The following SYT10 variants were observed in gnomAD, a reference collection of about 807,000 sequenced individuals.
The protein encoded by SYT10 is synaptotagmin-10.
In SYT10, 31 loss-of-function variants were observed where a neutral mutation model predicts 51.1. The observed-to-expected ratio is 0.61, with a 90% CI of 0.46 to 0.82. The LOEUF (loss-of-function observed/expected upper bound fraction) is 0.82, where lower values mean the gene tolerates loss of function less well. Ranked by LOEUF, SYT10 falls within the 40% of genes least tolerant of loss-of-function variation. SYT10 has a pLI of 0.00. For missense variants in SYT10, 603 were observed against 634.0 expected (o/e 0.95, Z 0.53); for synonymous variants, 233 against 225.9 (o/e 1.03, Z -0.28).
intron 3 of SYT10, among the ~76,000 whole-genome samples, chr12:33,399,975 G>T (rs1287996524): frequency 6.6e-6 from 1 of 152,172 alleles, no homozygotes; most frequent in East Asian, 1.9e-4. Context: ...TAGAGGAGCA[G>T]ATGTGGGTTC....
chr12:33,425,985 T>C (rs1279814996), intron 2 of SYT10, among the ~76,000 whole-genome samples, 153 bp downstream of exon 2: 2 of 151,842 alleles, frequency 1.3e-5, no homozygotes, highest in East Asian at 3.9e-4. Context: ...CTTTATTTAA[T>C]TATCTATTTC....
chr12:33,385,315 G>T (rs371446523), intron 3 of SYT10, 24 bp from the exon 4 acceptor site: 1 of 1,610,364 alleles, frequency 6.2e-7, no homozygotes, highest in Admixed American at 1.7e-5. Context: ...CGGCATGTTA[G>T]CAATTTCAAA....
At chr12:33,398,724 CA>C (rs1427574060) in intron 3 of SYT10, among the ~76,000 whole-genome samples, 1 of 28,546 alleles carries the variant, frequency 3.5e-5, no homozygotes. Flanking sequence ...TAAACAATAA[CA>C]AAAACCTACC....
chr12:33,425,573 A>G (rs775876244), intron 2 of SYT10, among the ~76,000 whole-genome samples: 1 of 152,072 alleles, frequency 6.6e-6, no homozygotes, highest in Non-Finnish European at 1.5e-5. Context: ...TGGAACTTAT[A>G]CTTTGCCCAG....
intron 2 of SYT10, among the ~76,000 whole-genome samples, chr12:33,416,745 C>A (rs867149824): frequency 6.6e-6 from 1 of 152,230 alleles, no homozygotes; most frequent in South Asian, 2.1e-4. Context: ...CACTTCCTAC[C>A]TTTTCAGGTT....
rs1308228961 is a variant in SYT10 at position 33,375,061 on chromosome 12, C to T, written c.*1769G>A. 6.6e-6 allele frequency: 1 copy of T among 151,890 alleles called. No individual in the cohort carries two copies. The highest frequency in any genetic ancestry group is 1.5e-5 in the Non-Finnish European group (1 of 67,892). The allele number at this position is 151,890 out of a possible 1,614,324, so 9.4% of individuals were successfully genotyped here. ...AATGCAAGTGTCATCTTTCATTTTA[C>T]CTATAGCAAATAATTCTTTTAGGCT... is the stretch of plus-strand genomic sequence containing the variant. On this transcript the variant is annotated 3_prime_UTR_variant, in exon 7 of 7. Coordinates refer to ENST00000228567, the MANE Select transcript of SYT10 (RefSeq NM_198992.4).
At chr12:33,377,907 C>T (rs547877058) in intron 6 of SYT10, among the ~76,000 whole-genome samples, 61 of 152,210 alleles carry the variant, frequency 4.0e-4, no homozygotes, top group African/African-American at 1.3e-3. Context: ...GGATTACAGT[C>T]GTGAGCCACC....
intron 2 of SYT10, chr12:33,408,364 AAAC>A (rs1178564397): frequency 1.3e-5 from 2 of 152,190 alleles, no homozygotes; most frequent in Non-Finnish European, 2.9e-5. Context: ...GAGCCCAACA[AAAC>A]AAGTTTTTAA....
intron 3 of SYT10, chr12:33,405,843 C>A (rs1866348353): frequency 7.3e-6 from 1 of 137,042 alleles, no homozygotes; most frequent in Non-Finnish European, 1.5e-5. Context: ...TAATTCTATA[C>A]CGGACAAATA....
intron 2 of SYT10, among the ~76,000 whole-genome samples, chr12:33,417,241 T>C (rs1468216777): frequency 6.6e-6 from 1 of 152,158 alleles, no homozygotes; most frequent in Non-Finnish European, 1.5e-5. Flanking sequence ...CTCTGCCTCA[T>C]GAATGGATTA....
At position 33,406,819 on chromosome 12, in the gene SYT10, T is replaced by C. The variant is rs1866356936; in HGVS notation, c.1047A>G (p.Thr349=). The change falls in exon 3 of 7, where the codon ACA becomes ACG. Residue 349 remains threonine, a synonymous_variant. Transcript: ENST00000228567. ...FEVSDLSREA[T]VWKDIHCATT... is the part of the protein sequence containing the mutation. ...TAGCACAGTGAATATCTTTCCATAC[T>C]GTGGCTTCCCTGGAGAGATCAGAGA... The C allele has an allele frequency of 1.2e-6, 2 of 1,612,874 alleles. No individual in the cohort carries two copies. The highest frequency in any genetic ancestry group is 1.7e-4 in the Middle Eastern group (1 of 6,052).
At chr12:33,378,097 C>T (rs887825868) in intron 6 of SYT10, among the ~76,000 whole-genome samples, 10 of 152,104 alleles carry the variant, frequency 6.6e-5, no homozygotes, top group Admixed American at 5.9e-4. Flanking sequence ...GTCCCTAGTC[C>T]GTATATTCTG....
At chr12:33,436,743 C>T (rs1866641200) in intron 1 of SYT10, among the ~76,000 whole-genome samples, 1 of 152,202 alleles carries the variant, frequency 6.6e-6, no homozygotes, top group Admixed American at 6.5e-5. Flanking sequence ...GAATTTCTCT[C>T]CCACTATCTC....
chr12:33,380,372 C>A (rs1822118949), intron 5 of SYT10, among the ~76,000 whole-genome samples: 1 of 152,090 alleles, frequency 6.6e-6, no homozygotes, highest in Admixed American at 6.6e-5. Flanking sequence ...GATTTCTCAC[C>A]AAGAAATACA....
At chr12:33,438,478 A>G (rs1049582169) in intron 1 of SYT10, among the ~76,000 whole-genome samples, 2 of 152,040 alleles carry the variant, frequency 1.3e-5, no homozygotes, top group African/African-American at 2.4e-5. Flanking sequence ...CTTTTCCCCA[A>G]CCGTGACCCA....
At chr12:33,438,226 T>C (rs1866653715) in intron 1 of SYT10, among the ~76,000 whole-genome samples, 1 of 152,172 alleles carries the variant, frequency 6.6e-6, no homozygotes, top group Admixed American at 6.5e-5. Context: ...TGTCCAGCTC[T>C]TGTTGCCCTG....
At chr12:33,428,907 G>GAA (rs142029382) in intron 1 of SYT10, among the ~76,000 whole-genome samples, 1,476 of 95,384 alleles carry the variant, frequency 0.015, 34 homozygotes, top group African/African-American at 0.04. Context: ...CTCTGCTTCA[G>GAA]AAAAAAAAAA....
At chr12:33,436,386 A>G (rs1866637735) in intron 1 of SYT10, among the ~76,000 whole-genome samples, 2 of 152,324 alleles carry the variant, frequency 1.3e-5, no homozygotes, top group South Asian at 4.1e-4. Context: ...AATATCTGAT[A>G]TTCTAAAAAG....
At position 33,439,749 on chromosome 12, in the gene SYT10, G is replaced by T; in HGVS notation, c.-227C>A. ...CGCGCGAGGAGGCTGCGGCTGCCGC[G>T]AGGTTTGCGCCAACTCTCCCGCCGC... On this transcript the variant is annotated 5_prime_UTR_variant, in exon 1 of 7. Transcript: ENST00000228567. 3.7e-6 allele frequency: 2 copies of T among 540,196 alleles called. No individual in the cohort carries two copies. The allele number at this position is 540,196 out of a possible 1,614,324, so 33.5% of individuals were successfully genotyped here.
Sources: gnomAD v4.1 joint callset for allele counts (sites outside exome capture counted in the v4.1 genomes callset) on GRCh38, gnomAD v4.1.1 for gene constraint, MANE v1.5 for transcripts, NCBI Gene and HGNC (gene_info 2026-07-23, HGNC 2026-07-21) for gene names.